AIM2: variants seen among roughly 807,000 people sequenced by gnomAD.
AIM2 encodes absent in melanoma 2, also known as interferon-inducible protein AIM2.
In AIM2, 30 loss-of-function variants were observed where a neutral mutation model predicts 27.7. The observed-to-expected ratio is 1.08, with a 90% confidence interval of 0.81 to 1.47. The LOEUF (loss-of-function observed/expected upper bound fraction) is 1.47, where lower values mean the gene tolerates loss of function less well. AIM2 is among the 40% of genes most tolerant of loss of function. The probability of loss-of-function intolerance (pLI) is 0.00; values close to 1 mark genes in which losing one functional copy is unlikely to be tolerated. For synonymous variants in AIM2, 141 were observed against 145.3 expected (o/e 0.97, Z 0.21); for missense variants, 358 against 411.3 (o/e 0.87, Z 1.12).
chr1:159,138,934 A>G (rs1648062114), intron 1 of AIM2, among the ~76,000 whole-genome samples: 1 of 152,242 alleles, frequency 6.6e-6, no homozygotes, highest in Non-Finnish European at 1.5e-5. Context: ...TTTCTATTTT[A>G]CATTCTGAGT....
intron 2 of AIM2, 91 bp from the exon 3 acceptor site, chr1:159,068,792 C>A: frequency 7.7e-7 from 1 of 1,290,480 alleles, no homozygotes; most frequent in South Asian, 1.4e-5. Context: ...ATACTAAAAC[C>A]ATATTAAGAT....
intron 1 of AIM2, among the ~76,000 whole-genome samples, chr1:159,111,884 AT>A (rs1657585775): frequency 6.7e-6 from 1 of 148,968 alleles, no homozygotes; most frequent in African/African-American, 2.5e-5. Flanking sequence ...CTATCTATCT[AT>A]ACATATATTA....
rs761261039 is a variant in AIM2 at position 159,063,628 on chromosome 1, GT to G, written c.862del (p.Thr288LeufsTer15). On this transcript the variant is annotated frameshift_variant, in exon 5 of 6. Transcript: ENST00000368130. LOFTEE classifies it high-confidence loss of function. Reference sequence around the variant, plus strand: ...AACCCCCAGTACTTCCATTTTCCCAGTGTTGTCACTTAGGTCAAATAATATG... The same window carrying G: ...AACCCCCAGTACTTCCATTTTCCCAGGTTGTCACTTAGGTCAAATAATATG... ...KNILFDLSDNTGKMEVLGVRN... is the reference protein window; with the variant it reads ...KNILFDLSDNXGKMEVLGVRN... The G allele has an allele frequency of 5.0e-6, 8 of 1,613,786 alleles. No homozygotes were observed. The highest frequency in any genetic ancestry group is 1.7e-5 in the Admixed American group (1 of 59,976).
At chr1:159,075,607 T>TAGAGAG (rs1479225368) in intron 1 of AIM2, among the ~76,000 whole-genome samples, 1 of 149,626 alleles carries the variant, frequency 6.7e-6, no homozygotes, top group African/African-American at 2.5e-5. Context: ...TATATATATA[T>TAGAGAG]ATATAGAGAG....
chr1:159,057,702 G>A (rs1359753053), downstream of AIM2, among the ~76,000 whole-genome samples: 1 of 152,148 alleles, frequency 6.6e-6, no homozygotes, highest in Non-Finnish European at 1.5e-5. Flanking sequence ...CAACTAGTGA[G>A]TTTAGAATTT....
chr1:159,119,796 TTGTGTG>T (rs372293063), intron 1 of AIM2, among the ~76,000 whole-genome samples: 1 of 150,550 alleles, frequency 6.6e-6, no homozygotes, highest in African/African-American at 2.4e-5. Context: ...GTGCATGTGT[TTGTGTG>T]TGTGTGTGTG....
In AIM2 at chr1:159,088,998, T is replaced by C. The variant is rs377713658; in HGVS notation, c.-15-22669A>G. On this transcript the variant is annotated intron_variant, in intron 1 of 2. Transcript: ENST00000368129. ...GCAGCTGTGTTCACAGGTATCTCCA[T>C]TTTCACATTTTAACTTAGTTCATCA... 1.1e-4 allele frequency among the ~76,000 whole-genome samples: 16 copies of C among 152,338 alleles called. No individual in the cohort carries two copies. In the East Asian group the frequency reaches 2.5e-3, roughly 24 times the overall value.
downstream of AIM2, among the ~76,000 whole-genome samples, chr1:159,060,081 C>CA (rs1430863235): frequency 6.6e-6 from 1 of 152,168 alleles, no homozygotes; most frequent in African/African-American, 2.4e-5. Flanking sequence ...CCAAAGCCGA[C>CA]ATTTTAGGTT....
chr1:159,114,575 T>C (rs1647280875), intron 1 of AIM2, among the ~76,000 whole-genome samples: 1 of 152,266 alleles, frequency 6.6e-6, no homozygotes, highest in African/African-American at 2.4e-5. Flanking sequence ...ACAGGCATGA[T>C]GGCGCATGCT....
chr1:159,100,140 C>T (rs886938579), intron 1 of AIM2, among the ~76,000 whole-genome samples: 6 of 152,144 alleles, frequency 3.9e-5, no homozygotes, highest in African/African-American at 1.4e-4. Context: ...CTTATAATGC[C>T]TAGGGTATTC....
At chr1:159,089,350 A>G (rs541296880) in intron 1 of AIM2, among the ~76,000 whole-genome samples, 2 of 152,378 alleles carry the variant, frequency 1.3e-5, no homozygotes, top group South Asian at 4.1e-4. Context: ...CATCTGGTGT[A>G]GCCAAAGCAC....
chr1:159,144,401 C>A (rs1400463573), upstream of AIM2, among the ~76,000 whole-genome samples: 1 of 152,108 alleles, frequency 6.6e-6, no homozygotes, highest in Admixed American at 6.6e-5. Context: ...CTTTATCATC[C>A]ATAAAACAGA....
intron 1 of AIM2, among the ~76,000 whole-genome samples, chr1:159,131,559 A>G (rs1647885485): frequency 6.6e-6 from 1 of 152,202 alleles, no homozygotes. Flanking sequence ...GTTTTAAAGG[A>G]CACTATACTC....
chr1:159,123,996 T>C (rs1254623606), intron 1 of AIM2, among the ~76,000 whole-genome samples: 1 of 152,226 alleles, frequency 6.6e-6, no homozygotes, highest in Non-Finnish European at 1.5e-5. Flanking sequence ...TCCCAGATTC[T>C]TTATTTTGCT....
intron 1 of AIM2, among the ~76,000 whole-genome samples, chr1:159,090,431 A>G (rs935498411): frequency 6.6e-6 from 1 of 152,254 alleles, no homozygotes; most frequent in Non-Finnish European, 1.5e-5. Flanking sequence ...AAGTCCATGA[A>G]TCAGTCTCTC....
downstream of AIM2, among the ~76,000 whole-genome samples, chr1:159,057,501 C>T (rs867255208): frequency 2.0e-5 from 3 of 152,140 alleles, no homozygotes; most frequent in African/African-American, 7.2e-5. Flanking sequence ...AGGAAACCTT[C>T]GAGTGATGGG....
At chr1:159,063,720 A>T in intron 4 of AIM2, 46 bp from the exon 5 acceptor site, 2 of 1,568,356 alleles carry the variant, frequency 1.3e-6, no homozygotes, top group Non-Finnish European at 1.7e-6. Flanking sequence ...CGGATTAATG[A>T]ATGCCGCATC....
intron 1 of AIM2, among the ~76,000 whole-genome samples, chr1:159,136,678 T>C (rs1648014794): frequency 6.6e-6 from 1 of 152,244 alleles, no homozygotes; most frequent in Non-Finnish European, 1.5e-5. Context: ...TATTCCATTA[T>C]AATTTATAGC....
At chr1:159,073,170 T>G in intron 2 of AIM2, 68 bp downstream of exon 2, 1 of 1,582,202 alleles carries the variant, frequency 6.3e-7, no homozygotes, top group East Asian at 2.2e-5. Context: ...ATCCCAGGGA[T>G]GCCATGAAAG....
Sources: gnomAD v4.1 joint callset for allele counts (sites outside exome capture counted in the v4.1 genomes callset) on GRCh38, gnomAD v4.1.1 for gene constraint, MANE v1.5 for transcripts, NCBI Gene and HGNC (gene_info 2026-07-23, HGNC 2026-07-21) for gene names.